The following KIAA0825 variants were observed in gnomAD, a reference collection of about 807,000 sequenced individuals.
KIAA0825 encodes uncharacterized protein KIAA0825.
KIAA0825 carries 119 observed loss-of-function variants against 147.6 expected under a neutral mutation model. The observed-to-expected ratio is 0.81, with a 90% CI of 0.69 to 0.94. KIAA0825 has a LOEUF of 0.94. Ranked by LOEUF, KIAA0825 falls within the 40% of genes least tolerant of loss-of-function variation. The pLI, the probability that KIAA0825 is intolerant of heterozygous loss-of-function variation, is 0.00. For synonymous variants in KIAA0825, 470 were observed against 518.1 expected (o/e 0.91, Z 1.26); for missense variants, 1,381 against 1,472.7 (o/e 0.94, Z 1.02).
intron 1 of KIAA0825, among the ~76,000 whole-genome samples, chr5:94,584,821 A>G (rs756081618): frequency 3.9e-5 from 6 of 152,226 alleles, no homozygotes; most frequent in Non-Finnish European, 5.9e-5. Flanking sequence ...AGGGAAGCCC[A>G]TGAGACTAAC....
intron 20 of KIAA0825, among the ~76,000 whole-genome samples, chr5:94,193,621 G>C (rs1173123898): frequency 1.3e-5 from 2 of 152,056 alleles, no homozygotes; most frequent in African/African-American, 4.8e-5. Context: ...AAATATGTCA[G>C]GCACTCATCT....
chr5:94,616,375 A>T (rs1438494920), intron 1 of KIAA0825, among the ~76,000 whole-genome samples: 1 of 152,186 alleles, frequency 6.6e-6, no homozygotes, highest in Non-Finnish European at 1.5e-5. Context: ...TGGGATGGGC[A>T]GGTTTAATAA....
chr5:94,542,654 A>T (rs924877471), intron 2 of KIAA0825, among the ~76,000 whole-genome samples: 1 of 152,038 alleles, frequency 6.6e-6, no homozygotes, highest in Non-Finnish European at 1.5e-5. Flanking sequence ...TAAAAATACA[A>T]AAATTAGCCG....
chr5:94,473,499 G>A lies in KIAA0825; in HGVS notation c.1248C>T (p.Gly416=), dbSNP rs1252563830. The part of the protein sequence containing the change: ...PGKEATLLDF[G]WRSAFKEVSL... Reference sequence around the variant, plus strand: ...ACACTTCTTTAAATGCACTTCTCCAGCCAAAATCTAGTAAGGTAGCCTGAA... The same window carrying A: ...ACACTTCTTTAAATGCACTTCTCCAACCAAAATCTAGTAAGGTAGCCTGAA... The change falls in exon 8 of 21, where the codon GGC becomes GGT. Residue 416 remains glycine (G), a synonymous_variant. Transcript: ENST00000682413. 1.3e-6 allele frequency: 2 copies of A among 1,550,968 alleles called. No homozygotes were observed. The highest frequency in any genetic ancestry group is 1.4e-5 in the African/African-American group (1 of 73,002).
At chr5:94,348,388 T>A (rs1007582924) in intron 20 of KIAA0825, among the ~76,000 whole-genome samples, 1 of 152,188 alleles carries the variant, frequency 6.6e-6, no homozygotes, top group African/African-American at 2.4e-5. Flanking sequence ...TTAAGAGCTA[T>A]GATACGGAAG....
chr5:94,526,369 G>A (rs1009608151), intron 3 of KIAA0825, among the ~76,000 whole-genome samples: 1 of 151,856 alleles, frequency 6.6e-6, no homozygotes, highest in African/African-American at 2.4e-5. Context: ...TTGGGGAGAG[G>A]TACACAGAGA....
intron 5 of KIAA0825, among the ~76,000 whole-genome samples, chr5:94,512,290 T>A (rs1766597323): frequency 1.3e-5 from 2 of 151,914 alleles, no homozygotes. Flanking sequence ...TAACTAGAAG[T>A]CACATATCAC....
At chr5:94,569,296 T>A (rs529698349) in intron 2 of KIAA0825, 5 of 312,042 alleles carry the variant, frequency 1.6e-5, no homozygotes, top group South Asian at 1.6e-4. Context: ...TAAATAAATT[T>A]AAAAAAACCA....
chr5:94,290,469 C>A (rs927305105), intron 20 of KIAA0825, among the ~76,000 whole-genome samples: 13 of 152,104 alleles, frequency 8.5e-5, no homozygotes, highest in Admixed American at 6.6e-5. Flanking sequence ...CAAACTCATC[C>A]TTTTTTATGG....
chr5:94,201,482 A>G (rs1182093185), intron 20 of KIAA0825, among the ~76,000 whole-genome samples: 1 of 152,060 alleles, frequency 6.6e-6, no homozygotes, highest in Non-Finnish European at 1.5e-5. Flanking sequence ...GTCACGGCCT[A>G]CTGCAGCCTT....
chr5:94,365,718 C>T (rs1366065174), intron 20 of KIAA0825, among the ~76,000 whole-genome samples: 2 of 152,190 alleles, frequency 1.3e-5, no homozygotes, highest in Non-Finnish European at 2.9e-5. Flanking sequence ...TATAGTTTAG[C>T]TTTGAAACAA....
chr5:94,518,799 TC>T (rs2151200353), intron 5 of KIAA0825, among the ~76,000 whole-genome samples: 1 of 152,236 alleles, frequency 6.6e-6, no homozygotes, highest in Non-Finnish European at 1.5e-5. Flanking sequence ...CACATACTTT[TC>T]TCTCATGAAT....
chr5:94,246,383 T>C (rs1225214390), intron 20 of KIAA0825, among the ~76,000 whole-genome samples: 1 of 152,076 alleles, frequency 6.6e-6, no homozygotes, highest in Admixed American at 6.6e-5. Context: ...GATAAGCTTA[T>C]GATAGGGAAC....
chr5:94,189,080 G>GA (rs1180391028), intron 20 of KIAA0825, among the ~76,000 whole-genome samples: 1 of 152,090 alleles, frequency 6.6e-6, no homozygotes, highest in Non-Finnish European at 1.5e-5. Context: ...ATTATCTTTT[G>GA]AAAAGTGTGT....
In KIAA0825 at chr5:94,469,756, CAGA is replaced by C. The variant is rs1371554811; in HGVS notation, c.1872+202_1872+204del. On this transcript the variant is annotated intron_variant, in intron 10 of 20. Transcript: ENST00000682413. ...AAATTAAGTTATTTTTACTTTTAAG[CAGA>C]AGGAGAGTTCTGATGTCTAATTTAT... 2.0e-5 allele frequency among the ~76,000 whole-genome samples: 3 copies of C among 152,074 alleles called. No individual in the cohort carries two copies. The East Asian group carries it at 5.8e-4, about 29-fold the overall frequency.
At chr5:94,249,501 C>T (rs4869210) in intron 20 of KIAA0825, among the ~76,000 whole-genome samples, 130,229 of 152,044 alleles carry the variant, frequency 0.86, 55,875 homozygotes, top group South Asian at 0.88. Context: ...CAGCAGAGCA[C>T]TAAACGGGGG....
intron 12 of KIAA0825, among the ~76,000 whole-genome samples, chr5:94,454,256 T>C (rs1758797986): frequency 6.6e-6 from 1 of 152,190 alleles, no homozygotes; most frequent in South Asian, 2.1e-4. Context: ...TTTGAGGTAG[T>C]ACCATCTCTC....
chr5:94,391,400 A>G (rs1749873038), intron 18 of KIAA0825, 135 bp downstream of exon 18: 1 of 788,722 alleles, frequency 1.3e-6, no homozygotes, highest in Non-Finnish European at 2.0e-6. Context: ...AATAGATTCT[A>G]TTAATAATGC....
At chr5:94,376,833 T>C (rs1231291548) in intron 20 of KIAA0825, among the ~76,000 whole-genome samples, 9 of 152,156 alleles carry the variant, frequency 5.9e-5, no homozygotes, top group African/African-American at 2.2e-4. Context: ...GACTAAGAGG[T>C]GTGTACTCAC....
Sources: allele counts gnomAD v4.1 joint callset (sites outside exome capture counted in the v4.1 genomes callset), GRCh38; gene constraint gnomAD v4.1.1; transcripts MANE v1.5; gene names NCBI Gene and HGNC (gene_info 2026-07-23, HGNC 2026-07-21).